The following VAT1L variants were observed in gnomAD, a reference collection of about 807,000 sequenced individuals.
The protein encoded by VAT1L is putative NADPH-dependent quinone oxidoreductase VAT1L.
VAT1L carries 34 observed loss-of-function variants against 44.1 expected under a neutral mutation model. The observed-to-expected ratio is 0.77, with a 90% CI of 0.59 to 1.03. VAT1L has a LOEUF of 1.03. Ranked by LOEUF, VAT1L falls within the 50% of genes least tolerant of loss-of-function variation. The pLI is 0.00. For synonymous variants in VAT1L, 253 were observed against 202.2 expected, an observed-to-expected ratio of 1.25 and a Z score of -2.13; for missense variants, 615 against 538.8, an observed-to-expected ratio of 1.14 and a Z score of -1.40.
rs1567529347 is a variant in VAT1L, at chr16:77,979,067, A to C, written c.*1372A>C. On this transcript the variant is annotated 3_prime_UTR_variant, in exon 9 of 9. Coordinates refer to ENST00000302536, the MANE Select transcript of VAT1L (RefSeq NM_020927.3). ...TTTACATTGCCCAGTTTCTCCACCA[A>C]CAAGCCTTAGGGTGGACCCAACCCT... The C allele has an allele frequency of 6.6e-6, 1 of 152,480 alleles. No individual in the cohort carries two copies. The highest frequency in any genetic ancestry group is 1.5e-5 in the Non-Finnish European group (1 of 68,046). 9.4% of individuals were successfully genotyped at this position (152,480 alleles called of 1,614,324 possible). A position where few individuals can be genotyped will look rare whatever the true frequency, so the allele number is the denominator to read the frequency against.
At chr16:77,927,237 C>T (rs893684477) in intron 7 of VAT1L, among the ~76,000 whole-genome samples, 3 of 151,120 alleles carry the variant, frequency 2.0e-5, no homozygotes, top group African/African-American at 7.3e-5. Flanking sequence ...AGTCAGGAGG[C>T]TGAGGCAGGA....
At chr16:77,815,819 T>C (rs12716843) in intron 1 of VAT1L, among the ~76,000 whole-genome samples, 1 of 54,534 alleles carries the variant, frequency 1.8e-5, no homozygotes, top group East Asian at 9.8e-4. Flanking sequence ...AATACAAAAA[T>C]TAGCCAGGCG....
At chr16:77,882,020 C>T (rs1476171595) in intron 6 of VAT1L, 2 of 152,226 alleles carry the variant, frequency 1.3e-5, no homozygotes, top group East Asian at 3.8e-4. Context: ...GATGGAGATT[C>T]CTCTGCCCAA....
chr16:77,874,914 G>A (rs1278241896), intron 4 of VAT1L, among the ~76,000 whole-genome samples: 1 of 151,266 alleles, frequency 6.6e-6, no homozygotes, highest in Admixed American at 6.6e-5. Context: ...CTCAGAGCGT[G>A]GAGCTGGAAT....
rs1178321327 is a variant in VAT1L, at chr16:77,979,283, AG to A, written c.*1591del. 1.3e-5 allele frequency: 2 copies of A among 152,512 alleles called. No individual in the cohort carries two copies. Among genetic ancestry groups the A allele is most frequent in the African/African-American group, 2.4e-5 (1 of 41,434 alleles). The allele number at this position is 152,512 out of a possible 1,614,324, so 9.4% of individuals were successfully genotyped here. A position where few individuals can be genotyped will look rare whatever the true frequency, so the allele number is the denominator to read the frequency against. ...TGTATGTAAAATATGAAGACAAGAA[AG>A]GGTGCTTTCATCTGAGGAACCAAGG... On this transcript the variant is annotated 3_prime_UTR_variant, in exon 9 of 9. Transcript: ENST00000302536.
rs778604675 is a variant in VAT1L, at chr16:77,884,697, A to T, written c.972A>T (p.Lys324Asn). The T allele has an allele frequency of 6.2e-7, 1 of 1,612,476 alleles. No homozygotes were observed. Among genetic ancestry groups the T allele is most frequent in the Non-Finnish European group, 8.5e-7 (1 of 1,179,312 alleles). The change falls in exon 7 of 9, where the codon AAA becomes AAT. Residue 324 changes from lysine to asparagine, a missense_variant. Lys to Asn is a moderately conservative substitution (Grantham distance 94, BLOSUM62 0). Transcript: ENST00000302536. This position sits in a 1 kb window ranked among gnomAD's most constrained non-coding sequence, Gnocchi z 4.5. ...TTTCCCTTTTAAATCTGCTCTTCAA[A>T]CAAGGCCGGGCGGGCCTCATTCGGG... ...AGFSLLNLLF[K>N]QGRAGLIRGV...
In VAT1L at chr16:77,797,168, A is replaced by G. The variant is rs530507041; in HGVS notation, c.233+8253A>G. Among the ~76,000 whole-genome samples, 86 of 151,788 alleles carry G rather than the reference A, an allele frequency of 5.7e-4. 1 individual carries two copies. The highest frequency in any genetic ancestry group is 2.1e-3 in the African/African-American group (85 of 41,346). On this transcript the variant is annotated intron_variant, in intron 1 of 8. Coordinates refer to ENST00000302536, the MANE Select transcript of VAT1L (RefSeq NM_020927.3). Reference sequence around the variant, plus strand: ...GCTCTATCACCCAGGCTGGAGTGCAATGGCGCTATCTTGGCTCACTGCAAC... The same window carrying G: ...GCTCTATCACCCAGGCTGGAGTGCAGTGGCGCTATCTTGGCTCACTGCAAC...
At chr16:77,835,139 T>A (rs1289096615) in intron 3 of VAT1L, among the ~76,000 whole-genome samples, 1 of 152,184 alleles carries the variant, frequency 6.6e-6, no homozygotes, top group Non-Finnish European at 1.5e-5. Flanking sequence ...ACGTCGTAAA[T>A]GCAGTAAATA....
intron 1 of VAT1L, among the ~76,000 whole-genome samples, chr16:77,809,637 G>A (rs1329898352): frequency 6.6e-6 from 1 of 152,200 alleles, no homozygotes; most frequent in Non-Finnish European, 1.5e-5. Flanking sequence ...AAAAGTGATT[G>A]TACTCAAGGC....
chr16:77,932,437 A>G (rs1310005969), intron 7 of VAT1L, among the ~76,000 whole-genome samples: 1 of 152,170 alleles, frequency 6.6e-6, no homozygotes, highest in African/African-American at 2.4e-5. Context: ...TGCCAGATTA[A>G]ACTAAGTTAG....
At chr16:77,938,884 T>C (rs529802774) in intron 7 of VAT1L, among the ~76,000 whole-genome samples, 4 of 146,948 alleles carry the variant, frequency 2.7e-5, no homozygotes, top group South Asian at 2.2e-4. Context: ...AAGATCATCA[T>C]TGCTTTTTCT....
chr16:77,857,666 T>C (rs1035147108), intron 3 of VAT1L, among the ~76,000 whole-genome samples: 1 of 150,308 alleles, frequency 6.7e-6, no homozygotes, highest in Non-Finnish European at 1.5e-5. Context: ...AAATAGATAG[T>C]ATATATTATG....
At chr16:77,925,284 G>A (rs1265211388) in intron 7 of VAT1L, among the ~76,000 whole-genome samples, 4 of 152,040 alleles carry the variant, frequency 2.6e-5, no homozygotes, top group Non-Finnish European at 5.9e-5. Flanking sequence ...CCTAGTCCTG[G>A]CCCTGGTTGC....
At position 77,939,359 on chromosome 16, in the gene VAT1L, T is replaced by C. The variant is rs531838518; in HGVS notation, c.1078-32491T>C. On this transcript the variant is annotated intron_variant, in intron 7 of 8. Transcript: ENST00000302536. ...TTCCAGCTAGGCATCAGTGGTGTTA[T>C]ATCATAGCTCAAACCAGTGGGGGGC... Among the ~76,000 whole-genome samples the C allele has an allele frequency of 5.1e-4, 78 of 152,256 alleles. 1 individual carries two copies. The highest frequency in any genetic ancestry group is 1.8e-3 in the African/African-American group (73 of 41,554).
intron 7 of VAT1L, among the ~76,000 whole-genome samples, chr16:77,941,460 T>G (rs141208280): frequency 3.9e-5 from 6 of 152,330 alleles, no homozygotes; most frequent in African/African-American, 1.4e-4. Context: ...TTTCAAGCTA[T>G]CAACCAGACA....
At chr16:77,799,504 GGTGTGTGTGTGTGTGTGTGTGTGT>G (rs10525414) in intron 1 of VAT1L, among the ~76,000 whole-genome samples, 32 of 140,986 alleles carry the variant, frequency 2.3e-4, no homozygotes, top group Admixed American at 4.2e-4. Context: ...TGGAATACAT[GGTGTGTGTGTGTGTGTGTGTGTGT>G]GTGTGTGTGT....
At chr16:77,963,939 A>G (rs1597124000) in intron 7 of VAT1L, among the ~76,000 whole-genome samples, 1 of 152,322 alleles carries the variant, frequency 6.6e-6, no homozygotes, top group African/African-American at 2.4e-5. Context: ...AAAGTCTTAC[A>G]AAAGGGCCTT....
At chr16:77,838,907 C>T (rs1330719910) in intron 3 of VAT1L, among the ~76,000 whole-genome samples, 1 of 151,862 alleles carries the variant, frequency 6.6e-6, no homozygotes, top group Non-Finnish European at 1.5e-5. Context: ...CTCTTTCTTT[C>T]AGCATCTGTC....
chr16:77,920,225 T>C (rs1205399083), intron 7 of VAT1L, among the ~76,000 whole-genome samples: 1 of 152,252 alleles, frequency 6.6e-6, no homozygotes, highest in Non-Finnish European at 1.5e-5. Flanking sequence ...TGGAAACTTT[T>C]GCTTTTCATT....
Sources: allele counts gnomAD v4.1 joint callset (sites outside exome capture counted in the v4.1 genomes callset), GRCh38; gene constraint gnomAD v4.1.1; non-coding constraint Gnocchi (gnomAD v3.1); transcripts MANE v1.5; gene names NCBI Gene and HGNC (gene_info 2026-07-23, HGNC 2026-07-21).